Variants in SLAMF9 observed in about 807,000 individuals in gnomAD.
The protein encoded by SLAMF9 is SLAM family member 9.
SLAMF9 carries 25 observed loss-of-function variants against 30.4 expected under a neutral mutation model. The observed-to-expected ratio is 0.82, with a 90% CI of 0.60 to 1.15. The LOEUF (loss-of-function observed/expected upper bound fraction) is 1.15, where lower values mean the gene tolerates loss of function less well. Ranked by LOEUF, SLAMF9 falls within the 50% of genes most tolerant of loss-of-function variation. The pLI is 0.00. For missense variants in SLAMF9, 344 were observed against 346.1 expected, an observed-to-expected ratio of 0.99 and a Z score of 0.05; for synonymous variants, 129 against 127.2, an observed-to-expected ratio of 1.01 and a Z score of -0.09.
the SLAMF9 span, chr1:159,982,830 A>C: frequency 6.6e-6 from 1 of 152,164 alleles, no homozygotes; most frequent in African/African-American, 2.4e-5. Flanking sequence ...AGAGATGGAG[A>C]CCATCCTGGA....
the SLAMF9 span, chr1:159,972,880 C>A: frequency 4.0e-6 from 4 of 1,001,820 alleles, no homozygotes; most frequent in South Asian, 9.9e-5. Context: ...CCTGACCACC[C>A]AAGACCCTGG....
chr1:159,980,060 G>C, the SLAMF9 span, among the ~76,000 whole-genome samples: 1 of 152,326 alleles, frequency 6.6e-6, no homozygotes, highest in African/African-American at 2.4e-5. Context: ...GGGATGCTCT[G>C]AGCAAAACCA....
intron 3 of SLAMF9, 65 bp from the exon 4 acceptor site, chr1:159,951,931 C>G: frequency 1.4e-6 from 2 of 1,407,850 alleles, no homozygotes; most frequent in Non-Finnish European, 2.0e-6. Flanking sequence ...TTTGGGCAGA[C>G]TCCTACCCAA....
chr1:159,974,049 T>C, the SLAMF9 span: 1 of 1,601,178 alleles, frequency 6.2e-7, no homozygotes, highest in African/African-American at 1.3e-5. Context: ...TGGCCAGGCT[T>C]GGAGGTACAG....
the SLAMF9 span, chr1:159,978,665 C>T: frequency 1.3e-5 from 2 of 152,196 alleles, no homozygotes; most frequent in African/African-American, 4.8e-5. Context: ...TCTCCAAAGT[C>T]CAGCATGGTA....
chr1:159,972,067 G>T, the SLAMF9 span, among the ~76,000 whole-genome samples: 1 of 152,148 alleles, frequency 6.6e-6, no homozygotes, highest in Non-Finnish European at 1.5e-5. Context: ...ACCCTGGGGG[G>T]AGGGTGCCTA....
At chr1:159,956,027 G>A (rs1651915443), upstream of SLAMF9, among the ~76,000 whole-genome samples, 1 of 152,202 alleles carries the variant, frequency 6.6e-6, no homozygotes, top group Non-Finnish European at 1.5e-5. Context: ...AATGAAATCA[G>A]TATGTTAATG....
the SLAMF9 span, among the ~76,000 whole-genome samples, chr1:159,975,347 T>G: frequency 2.6e-5 from 4 of 152,256 alleles, no homozygotes; most frequent in South Asian, 8.3e-4. Flanking sequence ...GAGATTGCTT[T>G]GACCTCATCT....
At chr1:159,970,321 C>T in the SLAMF9 span, among the ~76,000 whole-genome samples, 1 of 152,172 alleles carries the variant, frequency 6.6e-6, no homozygotes, top group Admixed American at 6.5e-5. Context: ...CAATCAATGA[C>T]CGTGGCCTGT....
the SLAMF9 span, among the ~76,000 whole-genome samples, chr1:159,981,527 C>T: frequency 6.6e-6 from 1 of 152,240 alleles, no homozygotes; most frequent in East Asian, 1.9e-4. Context: ...GGGAAACAGC[C>T]TTCCCAGACC....
upstream of SLAMF9, among the ~76,000 whole-genome samples, chr1:159,955,530 A>C (rs1048201806): frequency 5.9e-5 from 9 of 152,248 alleles, no homozygotes; most frequent in African/African-American, 1.9e-4. Context: ...TTAGGTTAGC[A>C]AATTCAGAAA....
At chr1:159,957,397 G>A (rs565262610), upstream of SLAMF9, among the ~76,000 whole-genome samples, 24 of 152,108 alleles carry the variant, frequency 1.6e-4, no homozygotes, top group Non-Finnish European at 2.9e-4. Context: ...AGGCCGAAGC[G>A]GGTGGATCAC....
chr1:159,973,688 C>T, the SLAMF9 span: 6 of 1,004,852 alleles, frequency 6.0e-6, no homozygotes, highest in South Asian at 8.7e-5. Flanking sequence ...ATTGGCCCAG[C>T]ATGAGGGGCA....
chr1:159,982,784 A>G, the SLAMF9 span, among the ~76,000 whole-genome samples: 1 of 152,172 alleles, frequency 6.6e-6, no homozygotes, highest in African/African-American at 2.4e-5. Flanking sequence ...TAATCCCAGC[A>G]CTCTGGGAGG....
the SLAMF9 span, among the ~76,000 whole-genome samples, chr1:159,976,469 T>A: frequency 6.6e-6 from 1 of 152,154 alleles, no homozygotes; most frequent in Non-Finnish European, 1.5e-5. Flanking sequence ...ATGTTTAGAA[T>A]GTAAGGGAAG....
At chr1:159,979,830 A>C in the SLAMF9 span, among the ~76,000 whole-genome samples, 1 of 152,198 alleles carries the variant, frequency 6.6e-6, no homozygotes, top group African/African-American at 2.4e-5. Flanking sequence ...GGTTGCTGTG[A>C]GAGTTTAAAG....
In SLAMF9 at chr1:159,953,491, C is replaced by T. The variant is rs760681927; in HGVS notation, c.209G>A (p.Gly70Glu). The T allele has an allele frequency of 7.4e-6, 12 of 1,614,080 alleles. No homozygotes were observed. The South Asian group carries it at 9.9e-5, about 13-fold the overall frequency. ...SLATVVPGKE[G>E]HPATIMVTNP... ...GGTCACCATGATGGTAGCTGGATGT[C>T]CCTCTTTCCCTGGCACCACAGTGGC... The change falls in exon 2 of 4, where the codon GGA becomes GAA. Residue 70 changes from glycine (G) to glutamate (E), a missense_variant. Transcript: ENST00000368093.
chr1:159,968,459 C>T, the SLAMF9 span, among the ~76,000 whole-genome samples: 1 of 152,152 alleles, frequency 6.6e-6, no homozygotes, highest in Non-Finnish European at 1.5e-5. Context: ...AAATATTTTC[C>T]ATTATCACAT....
the SLAMF9 span, among the ~76,000 whole-genome samples, chr1:159,960,645 C>T: frequency 2.6e-5 from 4 of 151,846 alleles, no homozygotes; most frequent in East Asian, 5.8e-4. Flanking sequence ...TTTGTAGAGA[C>T]GGGTTTCACC....
Sources: gnomAD v4.1 joint callset for allele counts (sites outside exome capture counted in the v4.1 genomes callset) on GRCh38, gnomAD v4.1.1 for gene constraint, MANE v1.5 for transcripts, NCBI Gene and HGNC (gene_info 2026-07-23, HGNC 2026-07-21) for gene names.